INSL6: variants seen among roughly 807,000 people sequenced by gnomAD.
INSL6 encodes the protein insulin-like peptide INSL6.
A neutral mutation model predicts 9.4 loss-of-function variants in INSL6; 16 were observed. The ratio of observed to expected loss-of-function variants is 1.70; its 90% CI spans 1.15 to 2.59. The LOEUF is 2.59. INSL6 is among the 30% of genes most tolerant of loss of function. The pLI, the probability that INSL6 is intolerant of heterozygous loss-of-function variation, is 0.00. For synonymous variants in INSL6, 154 were observed against 96.9 expected (o/e 1.59, Z -3.46); for missense variants, 391 against 257.3 (o/e 1.52, Z -3.56).
chr9:5,033,176 T>C, the INSL6 span, among the ~76,000 whole-genome samples: 1 of 151,854 alleles, frequency 6.6e-6, no homozygotes, highest in African/African-American at 2.4e-5. Context: ...TGAAATGAAG[T>C]GAGAAGAGAA....
At chr9:5,133,316 C>G (rs1279790428) in intron 3 of INSL6, 1 of 152,006 alleles carries the variant, frequency 6.6e-6, no homozygotes, top group Non-Finnish European at 1.5e-5. Flanking sequence ...GAAATAACCT[C>G]AATATGATAA....
chr9:5,021,939 T>C, the INSL6 span: 2 of 1,421,400 alleles, frequency 1.4e-6, no homozygotes, highest in Non-Finnish European at 2.0e-6. Flanking sequence ...AGCCCATTTG[T>C]AACTTTATTG....
intron 2 of INSL6, among the ~76,000 whole-genome samples, chr9:5,158,826 T>C (rs907834267): frequency 1.7e-4 from 26 of 152,108 alleles, no homozygotes; most frequent in African/African-American, 5.5e-4. Context: ...TAACTGGTAA[T>C]AGTAGGTACA....
intron 1 of INSL6, among the ~76,000 whole-genome samples, chr9:5,183,848 C>A (rs895636398): frequency 6.6e-6 from 1 of 152,108 alleles, no homozygotes; most frequent in Non-Finnish European, 1.5e-5. Context: ...CTAGCAGCAC[C>A]TGGGAGCTAG....
At chr9:5,016,909 C>G in the INSL6 span, among the ~76,000 whole-genome samples, 1 of 152,104 alleles carries the variant, frequency 6.6e-6, no homozygotes, top group African/African-American at 2.4e-5. Context: ...TAGCATTTGA[C>G]GGCATAGTAG....
chr9:5,101,213 C>A, the INSL6 span, among the ~76,000 whole-genome samples: 1 of 152,222 alleles, frequency 6.6e-6, no homozygotes, highest in Non-Finnish European at 1.5e-5. Flanking sequence ...TACCAAATGG[C>A]ACACCAGGAG....
At chr9:5,153,876 T>C (rs1183806874) in intron 2 of INSL6, among the ~76,000 whole-genome samples, 1 of 152,212 alleles carries the variant, frequency 6.6e-6, no homozygotes, top group Middle Eastern at 3.4e-3. Flanking sequence ...AGAATCAATA[T>C]CGTCAAAATG....
chr9:5,043,152 T>C, the INSL6 span, among the ~76,000 whole-genome samples: 53,454 of 151,864 alleles, frequency 0.35, 10,294 homozygotes, highest in African/African-American at 0.52. Flanking sequence ...TGCAGGGGGG[T>C]CTGCGGGCGG....
At chr9:5,056,894 T>G in the INSL6 span, among the ~76,000 whole-genome samples, 1 of 152,186 alleles carries the variant, frequency 6.6e-6, no homozygotes, top group Non-Finnish European at 1.5e-5. Flanking sequence ...GGCACAGTGT[T>G]AGTTAAGTGG....
At chr9:5,111,349 C>T in the INSL6 span, 2 of 410,272 alleles carry the variant, frequency 4.9e-6, no homozygotes, top group Non-Finnish European at 9.4e-6. Context: ...AAGGGGACCT[C>T]CCGGTACTAC....
chr9:5,048,841 A>T, the INSL6 span, among the ~76,000 whole-genome samples: 1 of 152,226 alleles, frequency 6.6e-6, no homozygotes, highest in Non-Finnish European at 1.5e-5. Flanking sequence ...TGTAGAGTAT[A>T]GAGGGCCCTT....
At chr9:5,132,859 G>C (rs1485164877) in intron 3 of INSL6, 2 of 152,160 alleles carry the variant, frequency 1.3e-5, no homozygotes, top group African/African-American at 4.8e-5. Flanking sequence ...TAAACATTCA[G>C]ACAAAATTAG....
the INSL6 span, among the ~76,000 whole-genome samples, chr9:5,007,620 G>A: frequency 6.6e-6 from 1 of 151,914 alleles, no homozygotes; most frequent in African/African-American, 2.4e-5. Context: ...CTTTTATTAG[G>A]TTGACGCTAA....
chr9:5,119,773 G>T (rs1348021677), downstream of INSL6, among the ~76,000 whole-genome samples: 1 of 152,052 alleles, frequency 6.6e-6, no homozygotes, highest in African/African-American at 2.4e-5. Flanking sequence ...TTTTCCTCAT[G>T]ATCAAAATTT....
chr9:5,036,015 T>C, the INSL6 span, among the ~76,000 whole-genome samples: 6 of 152,330 alleles, frequency 3.9e-5, no homozygotes, highest in East Asian at 1.2e-3. Context: ...CTTAAGCTGA[T>C]AAGCAACTTC....
chr9:5,030,837 C>G, the INSL6 span, among the ~76,000 whole-genome samples: 1 of 151,772 alleles, frequency 6.6e-6, no homozygotes, highest in South Asian at 2.1e-4. Flanking sequence ...GTATAATTTG[C>G]ACTGAGTTCA....
At chr9:5,180,719 A>C (rs1158191883) in intron 1 of INSL6, among the ~76,000 whole-genome samples, 1 of 152,218 alleles carries the variant, frequency 6.6e-6, no homozygotes, top group African/African-American at 2.4e-5. Context: ...GATGTTTATC[A>C]AGACAATACA....
chr9:4,997,062 G>A, the INSL6 span, among the ~76,000 whole-genome samples: 6 of 151,166 alleles, frequency 4.0e-5, no homozygotes, highest in South Asian at 1.3e-3. Flanking sequence ...CTGAGTAGCT[G>A]GCACTGCAGG....
chr9:5,097,212 G>A, the INSL6 span: 4 of 151,912 alleles, frequency 2.6e-5, no homozygotes, highest in African/African-American at 4.8e-5. Flanking sequence ...ACCCCTTTTC[G>A]TCCAACCATT....
Sources: allele counts gnomAD v4.1 joint callset (sites outside exome capture counted in the v4.1 genomes callset), GRCh38; gene constraint gnomAD v4.1.1; transcripts MANE v1.5; gene names NCBI Gene and HGNC (gene_info 2026-07-23, HGNC 2026-07-21).